Variants in LRRC2 observed in about 807,000 individuals in gnomAD.
LRRC2 encodes leucine rich repeat containing 2, also known as leucine-rich repeat-containing protein 2.
In LRRC2, 27 loss-of-function variants were observed where a neutral mutation model predicts 40.2. The ratio of observed to expected loss-of-function variants is 0.67; its 90% CI spans 0.49 to 0.93. LRRC2 has a LOEUF of 0.93. Ranked by LOEUF, LRRC2 falls within the 40% of genes least tolerant of loss-of-function variation. LRRC2 has a pLI of 0.00. For synonymous variants in LRRC2, 147 were observed against 158.9 expected (o/e 0.92, Z 0.56); for missense variants, 402 against 439.6 (o/e 0.91, Z 0.76).
intron 3 of LRRC2, among the ~76,000 whole-genome samples, chr3:46,542,285 C>G (rs1221171986): frequency 1.8e-4 from 27 of 151,968 alleles, no homozygotes; most frequent in African/African-American, 4.8e-5. Context: ...ATCACTTGAG[C>G]CTAGGAGTTC....
chr3:46,523,260 C>T (rs1366920390), intron 7 of LRRC2, among the ~76,000 whole-genome samples: 2 of 152,164 alleles, frequency 1.3e-5, no homozygotes, highest in Non-Finnish European at 2.9e-5. Context: ...TCATTGTACA[C>T]ATTTTTAAAC....
chr3:46,544,962 G>A, intron 3 of LRRC2, 84 bp downstream of exon 3: 5 of 1,300,382 alleles, frequency 3.8e-6, no homozygotes, highest in Non-Finnish European at 4.4e-6. Context: ...AAAGGCAAAA[G>A]CATTCATTCA....
chr3:46,528,503 C>A (rs1204951561), intron 6 of LRRC2, among the ~76,000 whole-genome samples: 1 of 152,160 alleles, frequency 6.6e-6, no homozygotes, highest in Non-Finnish European at 1.5e-5. Flanking sequence ...AACAGGAAGG[C>A]AACTGCGGAG....
chr3:46,549,913 G>A (rs776187871), intron 2 of LRRC2, among the ~76,000 whole-genome samples: 23 of 152,222 alleles, frequency 1.5e-4, no homozygotes, highest in Non-Finnish European at 3.1e-4. Flanking sequence ...TTGGGCTCTG[G>A]GACCTTGTAT....
intron 3 of LRRC2, among the ~76,000 whole-genome samples, chr3:46,541,126 G>A (rs886803868): frequency 6.6e-6 from 1 of 152,174 alleles, no homozygotes; most frequent in African/African-American, 2.4e-5. Context: ...GAGGTCAGGA[G>A]ATCGAGACCA....
Position 46,516,527 on chromosome 3 carries a change from G to C in LRRC2, c.*2487C>G, listed in dbSNP as rs945578682. On this transcript the variant is annotated 3_prime_UTR_variant, in exon 9 of 9. Transcript: ENST00000395905. ...TTCCAAAAAAACAAATAACTAGCTA[G>C]ACCTGTTCAGGAGTATGGTAGCCAC... 4.6e-5 allele frequency: 7 copies of C among 152,146 alleles called. No individual in the cohort carries two copies. Among genetic ancestry groups the C allele is most frequent in the Non-Finnish European group, 1.0e-4 (7 of 68,044 alleles). The allele number at this position is 152,146 out of a possible 1,614,324, so 9.4% of individuals were successfully genotyped here.
chr3:46,533,750 T>C (rs144524249), intron 4 of LRRC2, among the ~76,000 whole-genome samples: 6,406 of 109,572 alleles, frequency 0.058, 218 homozygotes, highest in South Asian at 0.11. Context: ...TCCTTCCTTC[T>C]TCCTTCCCTC....
At chr3:46,530,545 A>G (rs7632776) in intron 5 of LRRC2, among the ~76,000 whole-genome samples, 71,557 of 152,040 alleles carry the variant, frequency 0.47, 19,226 homozygotes, top group South Asian at 0.65. Flanking sequence ...ATGCCACTGC[A>G]CACAAAAAAA....
chr3:46,537,912 C>A (rs755410281), intron 4 of LRRC2, among the ~76,000 whole-genome samples: 1 of 152,214 alleles, frequency 6.6e-6, no homozygotes, highest in South Asian at 2.1e-4. Context: ...ACATATACAT[C>A]ACAGCTGAGA....
At chr3:46,542,496 C>CA (rs1466874643) in intron 3 of LRRC2, among the ~76,000 whole-genome samples, 3 of 114,520 alleles carry the variant, frequency 2.6e-5, no homozygotes, top group African/African-American at 1.0e-4. Context: ...GGCTCTGTCT[C>CA]AAAAAACAAA....
intron 1 of LRRC2, chr3:46,558,614 T>C (rs1001918161): frequency 6.6e-6 from 1 of 152,248 alleles, no homozygotes; most frequent in Non-Finnish European, 1.5e-5. Flanking sequence ...CGGAGCTGTT[T>C]CCTCCAAATT....
At chr3:46,556,171 G>A (rs571801362) in intron 1 of LRRC2, among the ~76,000 whole-genome samples, 1 of 151,544 alleles carries the variant, frequency 6.6e-6, no homozygotes, top group Admixed American at 6.6e-5. Flanking sequence ...CCAGGCTGGA[G>A]TGCAGTGATG....
intron 1 of LRRC2, among the ~76,000 whole-genome samples, chr3:46,565,154 T>C (rs2107070122): frequency 6.6e-6 from 1 of 152,352 alleles, no homozygotes; most frequent in South Asian, 2.1e-4. Context: ...GTAATTTGTT[T>C]AGCTAGAAAA....
At chr3:46,528,435 C>A (rs1704097525) in intron 6 of LRRC2, among the ~76,000 whole-genome samples, 1 of 152,064 alleles carries the variant, frequency 6.6e-6, no homozygotes, top group Admixed American at 6.5e-5. Flanking sequence ...CCAGCCTCCT[C>A]TTGTATATCT....
At chr3:46,564,936 G>A (rs962574864) in intron 1 of LRRC2, among the ~76,000 whole-genome samples, 1 of 152,172 alleles carries the variant, frequency 6.6e-6, no homozygotes, top group African/African-American at 2.4e-5. Context: ...AAGGAGCTTT[G>A]GTGACTCACA....
At position 46,544,429 on chromosome 3, in the gene LRRC2, C is replaced by T. The variant is rs1209934200; in HGVS notation, c.333+617G>A. 2.0e-5 allele frequency among the ~76,000 whole-genome samples: 3 copies of T among 152,152 alleles called. No homozygotes were observed. The East Asian group carries it at 5.8e-4, about 29-fold the overall frequency. On this transcript the variant is annotated intron_variant, in intron 3 of 8. Transcript: ENST00000395905. ...AGCTCCTCGGGAAACTGAGATCTCGCCACTGCACTCCAGCCTGGGTGACAG... is the reference window on the plus strand; with the variant it reads ...AGCTCCTCGGGAAACTGAGATCTCGTCACTGCACTCCAGCCTGGGTGACAG...
chr3:46,531,660 A>G (rs1295453353), intron 5 of LRRC2, among the ~76,000 whole-genome samples: 2 of 152,110 alleles, frequency 1.3e-5, no homozygotes, highest in Non-Finnish European at 2.9e-5. Context: ...AGACTGGGAG[A>G]TGAGTGGATC....
rs188764462 is a variant in LRRC2, at chr3:46,545,471, G to A, written c.126-218C>T. ...CTTCAACTTTAAAAGTAGAGAAGAT[G>A]GGTTAGATGGAATTTCTGGCTATGC... On this transcript the variant is annotated intron_variant, in intron 2 of 8. Transcript: ENST00000395905. 4.0e-4 allele frequency among the ~76,000 whole-genome samples: 61 copies of A among 152,288 alleles called. No homozygotes were observed. The East Asian group carries it at 0.011, about 26-fold the overall frequency.
intron 3 of LRRC2, among the ~76,000 whole-genome samples, chr3:46,542,567 A>T (rs1199116225): frequency 6.6e-6 from 1 of 152,092 alleles, no homozygotes; most frequent in Non-Finnish European, 1.5e-5. Flanking sequence ...TAGCTAAGAA[A>T]AGCCATTACC....
Sources: allele counts gnomAD v4.1 joint callset (sites outside exome capture counted in the v4.1 genomes callset), GRCh38; gene constraint gnomAD v4.1.1; transcripts MANE v1.5; gene names NCBI Gene and HGNC (gene_info 2026-07-23, HGNC 2026-07-21).